The following ALDH8A1 variants were observed in gnomAD, a reference collection of about 807,000 sequenced individuals.
ALDH8A1 encodes aldehyde dehydrogenase 8 family member A1, also known as 2-aminomuconic semialdehyde dehydrogenase.
A neutral mutation model predicts 43.3 loss-of-function variants in ALDH8A1; 39 were observed. That is an observed-to-expected ratio of 0.90 (90% CI 0.70 to 1.18). ALDH8A1 has a LOEUF of 1.18. Ranked by LOEUF, ALDH8A1 falls within the 50% of genes most tolerant of loss-of-function variation. The pLI, the probability that ALDH8A1 is intolerant of heterozygous loss-of-function variation, is 0.00. For missense variants in ALDH8A1, 605 were observed against 622.6 expected, an observed-to-expected ratio of 0.97 and a Z score of 0.30; for synonymous variants, 233 against 243.5, an observed-to-expected ratio of 0.96 and a Z score of 0.40.
At position 134,939,365 on chromosome 6, in the gene ALDH8A1, T is replaced by G. The variant is rs777242234; in HGVS notation, c.493A>C (p.Ile165Leu). ...TTCCCTGCAGCCATCGCTGGAGCTA[T>G]CTTCCAGGTCAGCAAGTAGAGTGGC... Reference protein sequence around the residue: ...NLPLYLLTWKIAPAMAAGNTV... With the variant: ...NLPLYLLTWKLAPAMAAGNTV... Residue 165 changes from isoleucine to leucine, a missense_variant, in exon 4 of 7, where the codon ATA (isoleucine) becomes CTA (leucine). Ile to Leu is a conservative substitution (Grantham distance 5). Transcript: ENST00000265605. The G allele has an allele frequency of 1.8e-5, 29 of 1,614,220 alleles. 1 individual carries two copies. The highest frequency in any genetic ancestry group is 5.0e-5 in the Admixed American group (3 of 60,024).
rs1394354981 is a variant in ALDH8A1 at position 134,918,702 on chromosome 6, A to G, written c.1177T>C (p.Phe393Leu). Residue 393 changes from phenylalanine (F) to leucine (L), a missense_variant, in exon 7 of 7, where the codon TTT becomes CTT. Transcript: ENST00000265605. ...GGGACGACACACGTCACTGGACCAA[A>G]TATCTCTTCCGTCATGCAGCAGGAT... ...DESCCMTEEI[F>L]GPVTCVVPFD... 6.2e-7 allele frequency: 1 copy of G among 1,614,050 alleles called. No individual in the cohort carries two copies. The highest frequency in any genetic ancestry group is 2.2e-5 in the East Asian group (1 of 44,894).
chr6:134,930,841 A>C (rs1562254319), intron 5 of ALDH8A1, among the ~76,000 whole-genome samples: 2 of 152,230 alleles, frequency 1.3e-5, no homozygotes, highest in Non-Finnish European at 2.9e-5. Context: ...TAAGAAAAGG[A>C]CAGTATCATT....
chr6:134,922,750 G>A (rs1033827379), intron 6 of ALDH8A1, among the ~76,000 whole-genome samples: 18 of 152,134 alleles, frequency 1.2e-4, no homozygotes, highest in Non-Finnish European at 2.5e-4. Context: ...TGGAATTTTG[G>A]AGCTTTCTGA....
Position 134,918,370 on chromosome 6 carries a change from C to A in ALDH8A1, c.*45G>T. The stretch of plus-strand genomic sequence containing the variant: ...CATCTACCACATTGAACAACTGATG[C>A]CTGCAGCCAGGCATTGGCCATAGTG... On this transcript the variant is annotated 3_prime_UTR_variant, in exon 7 of 7. Coordinates refer to ENST00000265605, the MANE Select transcript of ALDH8A1 (RefSeq NM_022568.4). The A allele has an allele frequency of 6.4e-7, 1 of 1,563,418 alleles. No homozygotes were observed. The highest frequency in any genetic ancestry group is 1.2e-5 in the South Asian group (1 of 85,852).
chr6:134,925,727 C>A (rs1375440613), intron 6 of ALDH8A1, among the ~76,000 whole-genome samples: 1 of 152,130 alleles, frequency 6.6e-6, no homozygotes, highest in African/African-American at 2.4e-5. Context: ...ACATATATTG[C>A]ATGTCAGATG....
intron 4 of ALDH8A1, among the ~76,000 whole-genome samples, chr6:134,933,839 G>T (rs1773675053): frequency 6.6e-6 from 1 of 152,146 alleles, no homozygotes; most frequent in Non-Finnish European, 1.5e-5. Flanking sequence ...CTCCCGAGTA[G>T]CTGGGATTAC....
chr6:134,926,119 T>C (rs1422719505), intron 6 of ALDH8A1, among the ~76,000 whole-genome samples: 8 of 151,606 alleles, frequency 5.3e-5, no homozygotes, highest in African/African-American at 1.9e-4. Flanking sequence ...TCATCACCAG[T>C]GATGAAATAA....
intron 3 of ALDH8A1, among the ~76,000 whole-genome samples, chr6:134,942,000 A>G (rs569054172): frequency 6.6e-6 from 1 of 152,036 alleles, no homozygotes; most frequent in African/African-American, 2.4e-5. Flanking sequence ...CGGGAGGATA[A>G]CTTGAGGTCA....
intron 4 of ALDH8A1, among the ~76,000 whole-genome samples, chr6:134,935,448 C>T (rs1488593408): frequency 6.6e-6 from 1 of 152,134 alleles, no homozygotes; most frequent in Non-Finnish European, 1.5e-5. Context: ...GCTTAGTGTA[C>T]GTTATTCAAA....
chr6:134,948,662 A>C (rs1242256680), intron 1 of ALDH8A1, among the ~76,000 whole-genome samples: 2 of 152,222 alleles, frequency 1.3e-5, no homozygotes, highest in African/African-American at 4.8e-5. Flanking sequence ...TATGGTAACC[A>C]TATTTTTCAA....
intron 1 of ALDH8A1, among the ~76,000 whole-genome samples, chr6:134,947,242 G>A (rs1037112863): frequency 3.9e-5 from 6 of 152,102 alleles, no homozygotes; most frequent in Admixed American, 6.5e-5. Flanking sequence ...TAAAGACTTA[G>A]ATAGATGTAA....
At chr6:134,939,019 G>C (rs979259082) in intron 4 of ALDH8A1, among the ~76,000 whole-genome samples, 1 of 152,156 alleles carries the variant, frequency 6.6e-6, no homozygotes, top group African/African-American at 2.4e-5. Context: ...TTAAGTCTGC[G>C]TCACTATTGT....
At position 134,918,722 on chromosome 6, in the gene ALDH8A1, C is replaced by T; in HGVS notation, c.1157G>A (p.Cys386Tyr). Residue 386 changes from cysteine (C) to tyrosine (Y), a missense_variant, in exon 7 of 7, where the codon TGC becomes TAC. Cys to Tyr is a radical substitution (Grantham distance 194). Coordinates refer to ENST00000265605, the MANE Select transcript of ALDH8A1 (RefSeq NM_022568.4). ...TVITDIKDES[C>Y]CMTEEIFGPV... The stretch of plus-strand genomic sequence containing the variant: ...ACCAAATATCTCTTCCGTCATGCAG[C>T]AGGATTCATCCTTAATGTCTGTTAT... 1.2e-6 allele frequency: 2 copies of T among 1,614,186 alleles called. No homozygotes were observed. Among genetic ancestry groups the T allele is most frequent in the Non-Finnish European group, 8.5e-7 (1 of 1,180,040 alleles).
At chr6:134,919,694 C>T (rs1184265730) in intron 6 of ALDH8A1, among the ~76,000 whole-genome samples, 2 of 152,020 alleles carry the variant, frequency 1.3e-5, no homozygotes, top group African/African-American at 4.8e-5. Flanking sequence ...AAATGTAGAA[C>T]AGCAGTAAAG....
chr6:134,948,671 A>C (rs1336088752), intron 1 of ALDH8A1, among the ~76,000 whole-genome samples: 1 of 152,232 alleles, frequency 6.6e-6, no homozygotes. Context: ...CATATTTTTC[A>C]AGCCGGAAAA....
intron 1 of ALDH8A1, among the ~76,000 whole-genome samples, chr6:134,949,292 T>C (rs1177630314): frequency 6.6e-6 from 1 of 152,164 alleles, no homozygotes; most frequent in Non-Finnish European, 1.5e-5. Context: ...CCAAGTAAAA[T>C]TAATTCTACA....
At chr6:134,947,106 G>A (rs1356166275) in intron 1 of ALDH8A1, among the ~76,000 whole-genome samples, 2 of 152,172 alleles carry the variant, frequency 1.3e-5, no homozygotes, top group Non-Finnish European at 1.5e-5. Flanking sequence ...TTTTTACAAA[G>A]CTGCCAAAAA....
intron 5 of ALDH8A1, among the ~76,000 whole-genome samples, chr6:134,932,509 A>G (rs1199069441): frequency 1.3e-5 from 2 of 152,226 alleles, no homozygotes; most frequent in African/African-American, 4.8e-5. Context: ...GAGCAGCAAC[A>G]TCAATCATTC....
chr6:134,949,803 A>G, intron 1 of ALDH8A1, 113 bp downstream of exon 1: 2 of 1,235,552 alleles, frequency 1.6e-6, no homozygotes, highest in Non-Finnish European at 2.2e-6. Context: ...TCCTTCTATC[A>G]TGTTTAACAA....
Sources: gnomAD v4.1 joint callset for allele counts (sites outside exome capture counted in the v4.1 genomes callset) on GRCh38, gnomAD v4.1.1 for gene constraint, MANE v1.5 for transcripts, NCBI Gene and HGNC (gene_info 2026-07-23, HGNC 2026-07-21) for gene names.